Variants in CIB4 observed in about 807,000 individuals in gnomAD.
CIB4 encodes the protein calcium and integrin-binding family member 4.
CIB4 carries 25 observed loss-of-function variants against 25.8 expected under a neutral mutation model. The ratio of observed to expected loss-of-function variants is 0.97; its 90% confidence interval spans 0.71 to 1.35. CIB4 has a LOEUF of 1.35. Ranked by LOEUF, CIB4 falls within the 40% of genes most tolerant of loss-of-function variation. The probability of loss-of-function intolerance (pLI) is 0.00; values close to 1 mark genes in which losing one functional copy is unlikely to be tolerated. For synonymous variants in CIB4, 75 were observed against 81.4 expected, an observed-to-expected ratio of 0.92 and a Z score of 0.42; for missense variants, 235 against 228.2, an observed-to-expected ratio of 1.03 and a Z score of -0.19.
intron 3 of CIB4, among the ~76,000 whole-genome samples, chr2:26,618,557 C>A (rs1669140350): frequency 6.6e-6 from 1 of 152,186 alleles, no homozygotes; most frequent in East Asian, 1.9e-4. Context: ...ACCTCGACCT[C>A]CTAAAGTAGT....
At chr2:26,617,145 T>TGTGTGTGTGTGTGTGCGC (rs1381689008) in intron 3 of CIB4, among the ~76,000 whole-genome samples, 25 of 139,024 alleles carry the variant, frequency 1.8e-4, no homozygotes, top group African/African-American at 6.4e-4. Flanking sequence ...TGTGTGTGTG[T>TGTGTGTGTGTGTGTGCGC]GTGCACGTGA....
At chr2:26,629,354 C>T in intron 3 of CIB4, 56 bp downstream of exon 3, 2 of 1,142,752 alleles carry the variant, frequency 1.8e-6, no homozygotes. Context: ...CACCCATCAG[C>T]CCATCAGCAG....
Position 26,581,295 on chromosome 2 carries a change from C to A in CIB4, c.*68G>T. On this transcript the variant is annotated 3_prime_UTR_variant, in exon 7 of 7. Transcript: ENST00000288861. ...AGTCATACTTCAAACCAGCTCCCTC[C>A]AGTGCTGGAGGGGGTTCGATTCCTG... 1 of 1,335,128 alleles carries A rather than the reference C, an allele frequency of 7.5e-7. No homozygotes were observed. The highest frequency in any genetic ancestry group is 1.7e-5 in the Admixed American group (1 of 59,386). 82.7% of individuals were successfully genotyped at this position (1,335,128 alleles called of 1,614,324 possible).
At chr2:26,635,258 C>T (rs955660245) in intron 2 of CIB4, among the ~76,000 whole-genome samples, 2 of 152,224 alleles carry the variant, frequency 1.3e-5, no homozygotes, top group Non-Finnish European at 2.9e-5. Context: ...CAGCCCTGGA[C>T]TGGGAAGGTG....
intron 3 of CIB4, among the ~76,000 whole-genome samples, chr2:26,597,118 G>A (rs1479270468): frequency 5.9e-5 from 9 of 152,136 alleles, no homozygotes; most frequent in Non-Finnish European, 1.0e-4. Context: ...GGTTAAAAAC[G>A]TGTATCACCT....
At chr2:26,594,277 G>A (rs865942472) in intron 4 of CIB4, among the ~76,000 whole-genome samples, 2 of 152,318 alleles carry the variant, frequency 1.3e-5, no homozygotes, top group Middle Eastern at 3.4e-3. Context: ...GTGATTTCAT[G>A]TGTGCTTACC....
chr2:26,630,605 G>A (rs1669398746), intron 2 of CIB4, among the ~76,000 whole-genome samples: 2 of 151,758 alleles, frequency 1.3e-5, no homozygotes, highest in African/African-American at 4.8e-5. Flanking sequence ...TGTCTCTAGA[G>A]CCGGACAGAT....
chr2:26,640,430 G>A (rs56158099), intron 2 of CIB4, 103 bp downstream of exon 2: 1 of 1,282,352 alleles, frequency 7.8e-7, no homozygotes, highest in Non-Finnish European at 1.1e-6. Flanking sequence ...GTGGCTCTGA[G>A]CAGGGACCAC....
intron 3 of CIB4, among the ~76,000 whole-genome samples, chr2:26,613,725 T>C (rs529540927): frequency 1.3e-5 from 2 of 152,298 alleles, no homozygotes; most frequent in African/African-American, 4.8e-5. Flanking sequence ...AGGGTTTGCA[T>C]CCTGGAGTTG....
intron 3 of CIB4, among the ~76,000 whole-genome samples, chr2:26,610,313 T>G (rs1460980711): frequency 2.6e-5 from 4 of 152,182 alleles, no homozygotes; most frequent in Non-Finnish European, 5.9e-5. Flanking sequence ...TTGAATCCAC[T>G]GATATAAACA....
chr2:26,582,945 G>A lies in CIB4; in HGVS notation c.439-32C>T, dbSNP rs902646467. The A allele has an allele frequency of 5.4e-6, 8 of 1,490,222 alleles. 1 individual carries two copies. Among genetic ancestry groups the A allele is most frequent in the South Asian group, 3.4e-5 (3 of 87,652 alleles). The allele number at this position is 1,490,222 out of a possible 1,614,324, so 92.3% of individuals were successfully genotyped here. On this transcript the variant is annotated intron_variant, in intron 5 of 6. Coordinates refer to ENST00000288861, the MANE Select transcript of CIB4 (RefSeq NM_001029881.3). ...AGGGAGCACAGAAGACAGTTGAGTG[G>A]AACCCCATGTCAGGCAGTGAGGTGG...
chr2:26,592,524 T>G (rs948779408), intron 4 of CIB4, among the ~76,000 whole-genome samples: 5 of 152,216 alleles, frequency 3.3e-5, no homozygotes, highest in Non-Finnish European at 5.9e-5. Context: ...GGGGCCATTA[T>G]GTCTTCAAAT....
At chr2:26,622,430 A>T (rs1016043154) in intron 3 of CIB4, among the ~76,000 whole-genome samples, 1 of 152,132 alleles carries the variant, frequency 6.6e-6, no homozygotes, top group Non-Finnish European at 1.5e-5. Flanking sequence ...CTATCATGTA[A>T]CTATATTGGG....
chr2:26,604,316 G>A (rs964151736), intron 3 of CIB4, among the ~76,000 whole-genome samples: 3 of 150,634 alleles, frequency 2.0e-5, no homozygotes, highest in African/African-American at 4.9e-5. Flanking sequence ...GGAGAACGAA[G>A]CTGCAGTGAG....
intron 4 of CIB4, among the ~76,000 whole-genome samples, chr2:26,589,297 TCTCCTTCTCCTTCTC>T (rs1304778968): frequency 6.8e-6 from 1 of 148,108 alleles, no homozygotes; most frequent in East Asian, 2.1e-4. Flanking sequence ...CTCCTCCTCC[TCTCCTTCTCCTTCTC>T]CTCCTTCTCC....
chr2:26,629,099 C>T (rs1669364614), intron 3 of CIB4, among the ~76,000 whole-genome samples: 2 of 152,224 alleles, frequency 1.3e-5, no homozygotes, highest in Admixed American at 6.5e-5. Flanking sequence ...GGGGCCGCCA[C>T]CTCCCACGGT....
chr2:26,607,432 T>A (rs192079190), intron 3 of CIB4, among the ~76,000 whole-genome samples: 1 of 152,238 alleles, frequency 6.6e-6, no homozygotes, highest in South Asian at 2.1e-4. Flanking sequence ...TAGATAAATA[T>A]CTATCCACGT....
intron 3 of CIB4, among the ~76,000 whole-genome samples, chr2:26,625,853 T>C (rs755161902): frequency 1.2e-4 from 18 of 152,202 alleles, no homozygotes; most frequent in Non-Finnish European, 1.9e-4. Context: ...TCTTCTAGGG[T>C]TTTTATGGTT....
At chr2:26,640,384 C>T in intron 2 of CIB4, 149 bp downstream of exon 2, 1 of 794,364 alleles carries the variant, frequency 1.3e-6, no homozygotes, top group Non-Finnish European at 2.0e-6. Flanking sequence ...CCTCCCATCC[C>T]TGCCTGCCGT....
Sources: allele counts gnomAD v4.1 joint callset (sites outside exome capture counted in the v4.1 genomes callset), GRCh38; gene constraint gnomAD v4.1.1; transcripts MANE v1.5; gene names NCBI Gene and HGNC (gene_info 2026-07-23, HGNC 2026-07-21).